The following CCR9 variants were observed in gnomAD, a reference collection of about 807,000 sequenced individuals.
CCR9 encodes the protein C-C chemokine receptor type 9.
In CCR9, 4 loss-of-function variants were observed where a neutral mutation model predicts 8.7. That is an observed-to-expected ratio of 0.46 (90% CI 0.23 to 1.06). The LOEUF (loss-of-function observed/expected upper bound fraction) is 1.06. CCR9 is among the 50% of genes least tolerant of loss of function. The probability of loss-of-function intolerance (pLI) is 0.21; values close to 1 mark genes in which losing one functional copy is unlikely to be tolerated. For missense variants in CCR9, 394 were observed against 453.6 expected, an observed-to-expected ratio of 0.87 and a Z score of 1.19; for synonymous variants, 159 against 168.8, an observed-to-expected ratio of 0.94 and a Z score of 0.45.
rs944119215 is a variant in CCR9, at chr3:45,901,228, C to T, written c.440C>T (p.Ala147Val). 2 of 1,614,126 alleles carry T rather than the reference C, an allele frequency of 1.2e-6. No homozygotes were observed. Among genetic ancestry groups the T allele is most frequent in the Non-Finnish European group, 1.7e-6 (2 of 1,179,972 alleles). ...IMCISVDRYI[A>V]IAQAMRAHTW... ...TGCATCAGCGTGGACAGGTACATTG[C>T]CATTGCCCAGGCCATGAGAGCACAT... The change falls in exon 3 of 3, where the codon GCC becomes GTC. Residue 147 changes from alanine (A) to valine (V), a missense_variant. Ala to Val is a moderately conservative substitution (Grantham distance 64). Coordinates refer to ENST00000357632, the MANE Select transcript of CCR9 (RefSeq NM_031200.3). The surrounding 1 kb of genome is among the most constrained non-coding windows in gnomAD (Gnocchi z 4.3).
At chr3:45,895,158 G>A in intron 2 of CCR9, 1 of 610,840 alleles carries the variant, frequency 1.6e-6, no homozygotes, top group Non-Finnish European at 2.9e-6. Flanking sequence ...CTATGCTTTG[G>A]GGTATGTTGT....
intron 2 of CCR9, among the ~76,000 whole-genome samples, chr3:45,895,713 TAA>T (rs35514118): frequency 1.6e-4 from 23 of 139,740 alleles, no homozygotes; most frequent in Admixed American, 3.5e-4. Flanking sequence ...GACTCTGTCT[TAA>T]AAAAAAAAAA....
intron 2 of CCR9, chr3:45,897,730 C>A: frequency 1.4e-6 from 1 of 728,160 alleles, no homozygotes; most frequent in Non-Finnish European, 2.2e-6. Flanking sequence ...GTCCTTCTGC[C>A]AAGCATGCCC....
At position 45,901,305 on chromosome 3, in the gene CCR9, T is replaced by C. The variant is rs1166366268; in HGVS notation, c.517T>C (p.Trp173Arg). 17 of 1,614,084 alleles carry C rather than the reference T, an allele frequency of 1.1e-5. No individual in the cohort carries two copies. The highest frequency in any genetic ancestry group is 1.4e-5 in the Non-Finnish European group (17 of 1,180,044). The stretch of plus-strand genomic sequence containing the variant: ...CAGCAAAATGGTTTGCTTTACCATC[T>C]GGGTATTGGCAGCTGCTCTCTGCAT... ...LYSKMVCFTI[W>R]VLAAALCIPE... The change falls in exon 3 of 3, where the codon TGG becomes CGG. Residue 173 changes from tryptophan to arginine, a missense_variant. Physicochemically the swap from Trp to Arg is moderately radical, Grantham distance 101 (BLOSUM62 -3). Transcript: ENST00000357632. The surrounding 1 kb of genome is among the most constrained non-coding windows in gnomAD (Gnocchi z 4.3).
Position 45,900,664 on chromosome 3 carries a change from A to G in CCR9, c.22-146A>G, listed in dbSNP as rs1702521396. ...GAATAAATAAATATGTCACAACCCA[A>G]GCAGATGTCCTCAGAATGCCTATGT... On this transcript the variant is annotated intron_variant, in intron 2 of 2. Transcript: ENST00000357632. This position sits in a 1 kb window ranked among gnomAD's most constrained non-coding sequence, Gnocchi z 4.7. 1.4e-6 allele frequency: 1 copy of G among 729,360 alleles called. No homozygotes were observed. The highest frequency in any genetic ancestry group is 2.3e-6 in the Non-Finnish European group (1 of 435,752). The allele number at this position is 729,360 out of a possible 1,614,324, so 45.2% of individuals were successfully genotyped here. A position where few individuals can be genotyped will look rare whatever the true frequency, so the allele number is the denominator to read the frequency against.
chr3:45,902,340 A>G lies in CCR9; in HGVS notation c.*442A>G, dbSNP rs200420405. ...AGCAGAAAGTTTCGTGAAAATGTCC[A>G]TCTTTGGGAAATTTTCTACCCTGCT... On this transcript the variant is annotated 3_prime_UTR_variant, in exon 3 of 3. Transcript: ENST00000357632. 4 of 172,566 alleles carry G rather than the reference A, an allele frequency of 2.3e-5. No homozygotes were observed. 10.7% of individuals were successfully genotyped at this position (172,566 alleles called of 1,614,324 possible). A position where few individuals can be genotyped will look rare whatever the true frequency, so the allele number is the denominator to read the frequency against.
chr3:45,895,430 T>C (rs920937094), intron 2 of CCR9, among the ~76,000 whole-genome samples: 35 of 152,144 alleles, frequency 2.3e-4, no homozygotes. Flanking sequence ...AGTGAGTCAG[T>C]CTGGGCGTGG....
At chr3:45,896,886 C>T (rs1702373591) in intron 2 of CCR9, among the ~76,000 whole-genome samples, 1 of 152,236 alleles carries the variant, frequency 6.6e-6, no homozygotes, top group Non-Finnish European at 1.5e-5. Context: ...TCTGTCCATT[C>T]CCCAGAGAGG....
At chr3:45,891,892 C>CT (rs1298701316) in intron 1 of CCR9, among the ~76,000 whole-genome samples, 1 of 151,998 alleles carries the variant, frequency 6.6e-6, no homozygotes, top group Non-Finnish European at 1.5e-5. Flanking sequence ...TTAGGTTGAC[C>CT]TTTTTTCCAG....
Position 45,901,589 on chromosome 3 carries a change from G to A in CCR9, c.801G>A (p.Gln267=). The part of the protein sequence containing the change: ...ITVLTVFVLS[Q]FPYNCILLVQ... ...TCCTGACCGTCTTTGTCTTGTCTCA[G>A]TTTCCCTACAACTGCATTTTGTTGG... Residue 267 remains glutamine (Q), a synonymous_variant, in exon 3 of 3, where the codon CAG becomes CAA. Transcript: ENST00000357632. This position sits in a 1 kb window ranked among gnomAD's most constrained non-coding sequence, Gnocchi z 4.3. 3 of 1,614,150 alleles carry A rather than the reference G, an allele frequency of 1.9e-6. No individual in the cohort carries two copies. Among genetic ancestry groups the A allele is most frequent in the South Asian group, 2.2e-5 (2 of 91,082 alleles).
At position 45,901,773 on chromosome 3, in the gene CCR9, G is replaced by C; in HGVS notation, c.985G>C (p.Val329Leu). The C allele has an allele frequency of 6.8e-6, 11 of 1,614,156 alleles. No individual in the cohort carries two copies. Among genetic ancestry groups the C allele is most frequent in the Non-Finnish European group, 9.3e-6 (11 of 1,180,042 alleles). Residue 329 changes from valine (V) to leucine (L), a missense_variant, in exon 3 of 3, where the codon GTG becomes CTG. Transcript: ENST00000357632. This position sits in a 1 kb window ranked among gnomAD's most constrained non-coding sequence, Gnocchi z 4.3. ...FVGERFRRDL[V>L]KTLKNLGCIS... ...GGGTGAGAGATTCCGCCGGGATCTC[G>C]TGAAAACCCTGAAGAACTTGGGTTG...
At chr3:45,887,139 G>A (rs1181567786) in intron 1 of CCR9, among the ~76,000 whole-genome samples, 2 of 152,068 alleles carry the variant, frequency 1.3e-5, no homozygotes, top group East Asian at 1.9e-4. Context: ...TCTATGATAC[G>A]GTTCTATGTT....
At position 45,900,415 on chromosome 3, in the gene CCR9, G is replaced by C. The variant is rs1174017830; in HGVS notation, c.22-395G>C. 6.6e-6 allele frequency among the ~76,000 whole-genome samples: 1 copy of C among 152,142 alleles called. No individual in the cohort carries two copies. The highest frequency in any genetic ancestry group is 1.5e-5 in the Non-Finnish European group (1 of 68,022). Reference sequence around the variant, plus strand: ...AATAGATAGGAGAAGTACGATCACAGTCATATCACAGTTTGATAAAACTGC... The same window carrying C: ...AATAGATAGGAGAAGTACGATCACACTCATATCACAGTTTGATAAAACTGC... On this transcript the variant is annotated intron_variant, in intron 2 of 2. Coordinates refer to ENST00000357632, the MANE Select transcript of CCR9 (RefSeq NM_031200.3). The surrounding 1 kb of genome is among the most constrained non-coding windows in gnomAD (Gnocchi z 4.7).
rs1190629816 is a variant in CCR9 at position 45,901,657 on chromosome 3, C to T, written c.869C>T (p.Ala290Val). Residue 290 changes from alanine to valine, a missense_variant, in exon 3 of 3, where the codon GCC (alanine) becomes GTC (valine). Coordinates refer to ENST00000357632, the MANE Select transcript of CCR9 (RefSeq NM_031200.3). The surrounding 1 kb of genome is among the most constrained non-coding windows in gnomAD (Gnocchi z 4.3). ...DAYAMFISNCAVSTNIDICFQ... is the reference protein window; with the variant it reads ...DAYAMFISNCVVSTNIDICFQ... ...TATGCCATGTTCATCTCCAACTGTG[C>T]CGTTTCCACCAACATTGACATCTGC... 1 of 1,613,992 alleles carries T rather than the reference C, an allele frequency of 6.2e-7. No individual in the cohort carries two copies. Among genetic ancestry groups the T allele is most frequent in the East Asian group, 2.2e-5 (1 of 44,876 alleles).
rs72284250 is a variant in CCR9 at position 45,897,975 on chromosome 3, C to CAAAA, written c.22-2820_22-2817dup. On this transcript the variant is annotated intron_variant, in intron 2 of 2. Transcript: ENST00000357632. ...TGAGAGTCTATTAAAGCTATTTGAC[C>CAAAA]AAAAAAAAAAAAAAAAAACACACAA... Among the ~76,000 whole-genome samples the CAAAA allele has an allele frequency of 1.3e-3, 143 of 105,950 alleles. 2 individuals are homozygous for CAAAA. The highest frequency in any genetic ancestry group is 0.013 in the Middle Eastern group (3 of 230). The allele number at this position is 105,950 out of a possible 152,430, so 69.5% of individuals were successfully genotyped here. A position where few individuals can be genotyped will look rare whatever the true frequency, so the allele number is the denominator to read the frequency against.
At chr3:45,891,357 A>G (rs1702173897) in intron 1 of CCR9, among the ~76,000 whole-genome samples, 1 of 152,206 alleles carries the variant, frequency 6.6e-6, no homozygotes, top group African/African-American at 2.4e-5. Context: ...AAAGTGAAAA[A>G]TTGTGTAAAG....
chr3:45,901,301 C>T lies in CCR9; in HGVS notation c.513C>T (p.Thr171=), dbSNP rs1307785201. The change falls in exon 3 of 3, where the codon ACC becomes ACT. Residue 171 remains threonine, a synonymous_variant. Coordinates refer to ENST00000357632, the MANE Select transcript of CCR9 (RefSeq NM_031200.3). The surrounding 1 kb of genome is among the most constrained non-coding windows in gnomAD (Gnocchi z 4.3). The part of the protein sequence containing the change: ...RLLYSKMVCF[T]IWVLAAALCI... The stretch of plus-strand genomic sequence containing the variant: ...TGTACAGCAAAATGGTTTGCTTTAC[C>T]ATCTGGGTATTGGCAGCTGCTCTCT... 3 of 1,614,032 alleles carry T rather than the reference C, an allele frequency of 1.9e-6. No homozygotes were observed. The highest frequency in any genetic ancestry group is 2.5e-6 in the Non-Finnish European group (3 of 1,180,034).
In CCR9 at chr3:45,902,346, G is replaced by C. The variant is rs144027662; in HGVS notation, c.*448G>C. On this transcript the variant is annotated 3_prime_UTR_variant, in exon 3 of 3. Transcript: ENST00000357632. Reference sequence around the variant, plus strand: ...AAGTTTCGTGAAAATGTCCATCTTTGGGAAATTTTCTACCCTGCTCTTGAG... The same window carrying C: ...AAGTTTCGTGAAAATGTCCATCTTTCGGAAATTTTCTACCCTGCTCTTGAG... The C allele has an allele frequency of 5.8e-6, 1 of 172,050 alleles. No individual in the cohort carries two copies. The highest frequency in any genetic ancestry group is 1.4e-5 in the Non-Finnish European group (1 of 71,490). The allele number at this position is 172,050 out of a possible 1,614,324, so 10.7% of individuals were successfully genotyped here.
chr3:45,889,732 T>C (rs1405413167), intron 1 of CCR9, among the ~76,000 whole-genome samples: 3 of 151,988 alleles, frequency 2.0e-5, no homozygotes, highest in Admixed American at 6.6e-5. Context: ...TCCTACATGT[T>C]GCATTTTAAT....
Sources: gnomAD v4.1 joint callset for allele counts (sites outside exome capture counted in the v4.1 genomes callset) on GRCh38, gnomAD v4.1.1 for gene constraint, Gnocchi (gnomAD v3.1) non-coding constraint, MANE v1.5 for transcripts, NCBI Gene and HGNC (gene_info 2026-07-23, HGNC 2026-07-21) for gene names.